ITGA9: variants seen among roughly 807,000 people sequenced by gnomAD.
The protein encoded by ITGA9 is integrin subunit alpha 9, also known as integrin alpha-9.
Under a neutral mutation model 127.8 loss-of-function variants are expected in ITGA9, and 56 were observed. The observed-to-expected ratio is 0.44, with a 90% confidence interval of 0.35 to 0.55. The LOEUF (loss-of-function observed/expected upper bound fraction) is 0.55. Among genes scored for constraint, ITGA9 ranks in the 20% least tolerant of loss-of-function variants. The probability of loss-of-function intolerance (pLI) is 0.00; values close to 1 mark genes in which losing one functional copy is unlikely to be tolerated. For synonymous variants in ITGA9, 508 were observed against 514.5 expected, an observed-to-expected ratio of 0.99 and a Z score of 0.17; for missense variants, 1,196 against 1,347.1, an observed-to-expected ratio of 0.89 and a Z score of 1.76.
chr3:37,775,226 C>T (rs1168714501), intron 23 of ITGA9, among the ~76,000 whole-genome samples: 1 of 152,202 alleles, frequency 6.6e-6, no homozygotes, highest in Non-Finnish European at 1.5e-5. Context: ...AGACACTTTT[C>T]TAAAGAAGAC....
intron 15 of ITGA9, among the ~76,000 whole-genome samples, chr3:37,591,453 A>G (rs1699817103): frequency 1.3e-5 from 2 of 152,174 alleles, no homozygotes; most frequent in Non-Finnish European, 2.9e-5. Context: ...TGTATATTCA[A>G]GTCGCCTCTG....
intron 17 of ITGA9, among the ~76,000 whole-genome samples, chr3:37,667,623 A>T (rs1267270580): frequency 6.6e-6 from 1 of 152,204 alleles, no homozygotes; most frequent in Admixed American, 6.5e-5. Context: ...TGACTCTGGG[A>T]TGCCCCTCAA....
intron 27 of ITGA9, among the ~76,000 whole-genome samples, chr3:37,809,687 T>C (rs1366625334): frequency 3.3e-5 from 5 of 152,268 alleles, no homozygotes; most frequent in Middle Eastern, 3.4e-3. Context: ...CAAAAGACTT[T>C]ATAAGAGGTT....
chr3:37,737,785 CAG>C (rs1056074643), intron 20 of ITGA9, among the ~76,000 whole-genome samples: 1 of 152,222 alleles, frequency 6.6e-6, no homozygotes, highest in Non-Finnish European at 1.5e-5. Context: ...TTAAACTTAA[CAG>C]AAGTCTTACA....
At chr3:37,532,348 G>T (rs780719114) in intron 13 of ITGA9, among the ~76,000 whole-genome samples, 4 of 152,194 alleles carry the variant, frequency 2.6e-5, no homozygotes, top group African/African-American at 4.8e-5. Flanking sequence ...GTTGGTGTGG[G>T]TCATCATTCC....
intron 26 of ITGA9, among the ~76,000 whole-genome samples, chr3:37,791,822 T>C (rs1697114798): frequency 6.6e-6 from 1 of 152,152 alleles, no homozygotes; most frequent in African/African-American, 2.4e-5. Context: ...TCTTTCAACA[T>C]GGCAAGCAAG....
intron 27 of ITGA9, 145 bp downstream of exon 27, chr3:37,804,087 G>GCCAAGATTCCACTCCC: frequency 7.9e-7 from 1 of 1,272,898 alleles, no homozygotes; most frequent in Non-Finnish European, 1.1e-6. Context: ...CAGGCAGGGA[G>GCCAAGATTCCACTCCC]TGGAATCTTG....
At chr3:37,506,829 G>A (rs1698848622) in intron 7 of ITGA9, among the ~76,000 whole-genome samples, 1 of 152,192 alleles carries the variant, frequency 6.6e-6, no homozygotes, top group South Asian at 2.1e-4. Flanking sequence ...AGTGAACAGA[G>A]GAATGAACTT....
At chr3:37,457,994 A>G (rs1298315794) in intron 1 of ITGA9, among the ~76,000 whole-genome samples, 2 of 152,182 alleles carry the variant, frequency 1.3e-5, no homozygotes, top group Non-Finnish European at 2.9e-5. Context: ...TTCTATTGTG[A>G]TTTGTTCAGG....
rs1056021432 is a variant in ITGA9, at chr3:37,604,324, A to G, written c.1690-24863A>G. Among the ~76,000 whole-genome samples the G allele has an allele frequency of 2.6e-5, 4 of 152,226 alleles. No homozygotes were observed. In the East Asian group the frequency reaches 5.8e-4, roughly 22 times the overall value. On this transcript the variant is annotated intron_variant, in intron 15 of 27. Coordinates refer to ENST00000264741, the MANE Select transcript of ITGA9 (RefSeq NM_002207.3). ...CCCATTTAGTCAGACACATTTTTCT[A>G]GTTTTTCTAGTTTTCTACCCTTCAA... is the stretch of plus-strand genomic sequence containing the variant.
chr3:37,593,242 G>A (rs4678971), intron 15 of ITGA9, among the ~76,000 whole-genome samples: 96,594 of 152,102 alleles, frequency 0.64, 31,023 homozygotes, highest in East Asian at 0.73. Flanking sequence ...TAGATTACTT[G>A]TAATACCTAC....
chr3:37,645,087 C>CA (rs1450488746), intron 16 of ITGA9, among the ~76,000 whole-genome samples: 4 of 150,826 alleles, frequency 2.7e-5, no homozygotes, highest in Non-Finnish European at 4.4e-5. Flanking sequence ...TATATGAATA[C>CA]AAAAAAAAAT....
chr3:37,543,826 C>T (rs1030458353), intron 15 of ITGA9, among the ~76,000 whole-genome samples: 2 of 152,230 alleles, frequency 1.3e-5, no homozygotes, highest in East Asian at 3.8e-4. Context: ...CTCAGTGGGG[C>T]TGGGCTGTGT....
At chr3:37,518,093 C>CGTGTGTGTGTGTGTGTGTGTGTGTGTGT (rs55842055) in intron 10 of ITGA9, among the ~76,000 whole-genome samples, 89 of 144,212 alleles carry the variant, frequency 6.2e-4, no homozygotes, top group South Asian at 6.8e-4. Flanking sequence ...AGAGTGTACG[C>CGTGTGTGTGTGTGTGTGTGTGTGTGTGT]GTGTGTGTGT....
intron 1 of ITGA9, among the ~76,000 whole-genome samples, chr3:37,464,272 C>G (rs1402785326): frequency 1.6e-5 from 2 of 128,814 alleles, no homozygotes; most frequent in Non-Finnish European, 3.3e-5. Flanking sequence ...CTCTATTTGT[C>G]AGGGTTTTTT....
chr3:37,761,554 T>C (rs1696723215), intron 23 of ITGA9, among the ~76,000 whole-genome samples: 1 of 152,228 alleles, frequency 6.6e-6, no homozygotes, highest in Admixed American at 6.5e-5. Flanking sequence ...ATAGGTATAG[T>C]GCAGAGATAC....
intron 18 of ITGA9, among the ~76,000 whole-genome samples, chr3:37,690,929 A>G (rs1478338506): frequency 6.6e-6 from 1 of 152,194 alleles, no homozygotes; most frequent in Non-Finnish European, 1.5e-5. Context: ...ACCAACTACT[A>G]CAGTGGGCAA....
chr3:37,593,555 G>T (rs1235711287), intron 15 of ITGA9, among the ~76,000 whole-genome samples: 1 of 152,228 alleles, frequency 6.6e-6, no homozygotes, highest in African/African-American at 2.4e-5. Context: ...TCCTCACATG[G>T]CAGGGAGAGA....
intron 11 of ITGA9, among the ~76,000 whole-genome samples, chr3:37,522,091 G>A (rs1699049972): frequency 6.6e-6 from 1 of 152,078 alleles, no homozygotes; most frequent in African/African-American, 2.4e-5. Context: ...CTTCTCTGCA[G>A]GATGACTCGG....
Sources: gnomAD v4.1 joint callset for allele counts (sites outside exome capture counted in the v4.1 genomes callset) on GRCh38, gnomAD v4.1.1 for gene constraint, MANE v1.5 for transcripts, NCBI Gene and HGNC (gene_info 2026-07-23, HGNC 2026-07-21) for gene names.